The following ZNF782 variants were observed in gnomAD, a reference collection of about 807,000 sequenced individuals.
ZNF782 encodes the protein zinc finger protein 782.
A neutral mutation model predicts 13.0 loss-of-function variants in ZNF782; 12 were observed. The ratio of observed to expected loss-of-function variants is 0.92; its 90% CI spans 0.59 to 1.50. The LOEUF (loss-of-function observed/expected upper bound fraction) is 1.50. ZNF782 is among the 40% of genes most tolerant of loss of function. The pLI, the probability that ZNF782 is intolerant of heterozygous loss-of-function variation, is 0.00. For synonymous variants in ZNF782, 284 were observed against 283.0 expected, an observed-to-expected ratio of 1.00 and a Z score of -0.04; for missense variants, 770 against 822.9, an observed-to-expected ratio of 0.94 and a Z score of 0.79.
chr9:96,819,846 G>A, intron 5 of ZNF782, 68 bp from the exon 6 acceptor site: 75 of 1,180,776 alleles, frequency 6.4e-5, no homozygotes, highest in Middle Eastern at 2.5e-4. Flanking sequence ...GGACATATAT[G>A]TATATATATG....
chr9:96,919,012 T>TC, the ZNF782 span: 1 of 228,606 alleles, frequency 4.4e-6, no homozygotes, highest in Non-Finnish European at 1.0e-5. Flanking sequence ...AGAGTCAGAA[T>TC]CCCCCAATGA....
the ZNF782 span, chr9:96,892,548 G>A: frequency 8.5e-5 from 13 of 152,156 alleles, no homozygotes; most frequent in Admixed American, 7.9e-4. Context: ...GCGTCAGTGC[G>A]GATCTTAGGA....
At chr9:96,912,394 C>T in the ZNF782 span, among the ~76,000 whole-genome samples, 1 of 148,676 alleles carries the variant, frequency 6.7e-6, no homozygotes, top group East Asian at 2.0e-4. Context: ...GGCGTAGTGG[C>T]GGGCGCCTGT....
intron 4 of ZNF782, among the ~76,000 whole-genome samples, chr9:96,834,838 T>G (rs1181892909): frequency 6.6e-6 from 1 of 152,144 alleles, no homozygotes; most frequent in East Asian, 1.9e-4. Flanking sequence ...GGGTAATGGG[T>G]AGTGGCTGGA....
intron 5 of ZNF782, among the ~76,000 whole-genome samples, chr9:96,822,980 A>G (rs1212779061): frequency 6.6e-6 from 1 of 152,196 alleles, no homozygotes; most frequent in East Asian, 1.9e-4. Context: ...ATATTTTGTC[A>G]GGGTCCCATG....
chr9:96,896,434 G>C, the ZNF782 span, among the ~76,000 whole-genome samples: 2 of 152,116 alleles, frequency 1.3e-5, no homozygotes, highest in Admixed American at 1.3e-4. Flanking sequence ...AACTATTCTA[G>C]ACTTACTACT....
chr9:96,855,879 TAGA>T (rs1323612011), upstream of ZNF782, among the ~76,000 whole-genome samples: 1 of 152,230 alleles, frequency 6.6e-6, no homozygotes, highest in Non-Finnish European at 1.5e-5. Context: ...ACCGGCAGTG[TAGA>T]AGTTTTCCCT....
the ZNF782 span, among the ~76,000 whole-genome samples, chr9:96,881,503 T>C: frequency 8.5e-5 from 13 of 152,130 alleles, no homozygotes; most frequent in African/African-American, 1.2e-4. Context: ...CTGCTGGTAA[T>C]TGATTTACTT....
chr9:96,818,307 A>C lies in ZNF782; in HGVS notation c.1716T>G (p.Ser572Arg). Residue 572 changes from serine to arginine, a missense_variant, in exon 6 of 6, where the codon AGT becomes AGG. Transcript: ENST00000481138. ...GATGTACTCTGAGGTTTGATTTCTG[A>C]CTGAAAGCTTCCCCACAATGATTAC... Reference protein sequence around the residue: ...YKCNHCGEAFSQKSNLRVHHR... With the variant: ...YKCNHCGEAFRQKSNLRVHHR... 3.1e-6 allele frequency: 5 copies of C among 1,613,980 alleles called. No homozygotes were observed. The highest frequency in any genetic ancestry group is 3.4e-6 in the Non-Finnish European group (4 of 1,180,000).
the ZNF782 span, among the ~76,000 whole-genome samples, chr9:96,905,836 G>A: frequency 1.3e-5 from 2 of 152,132 alleles, no homozygotes; most frequent in African/African-American, 4.8e-5. Context: ...CACCCGCCTC[G>A]GCCTCCCAAA....
intron 1 of ZNF782, among the ~76,000 whole-genome samples, chr9:96,874,572 G>C (rs1226731149): frequency 6.6e-6 from 1 of 152,154 alleles, no homozygotes; most frequent in Non-Finnish European, 1.5e-5. Flanking sequence ...ACAGACTCTA[G>C]TGGTTTCTGG....
chr9:96,932,652 A>ATT, the ZNF782 span, among the ~76,000 whole-genome samples: 13 of 130,142 alleles, frequency 1.0e-4, no homozygotes, highest in Admixed American at 1.5e-4. Flanking sequence ...CCAATCCTTA[A>ATT]TTTTTTTTTT....
At chr9:96,885,207 G>C in the ZNF782 span, among the ~76,000 whole-genome samples, 10 of 151,630 alleles carry the variant, frequency 6.6e-5, no homozygotes, top group Admixed American at 6.6e-4. Context: ...ATCTAACAAG[G>C]GTTTTCGGGC....
the ZNF782 span, among the ~76,000 whole-genome samples, chr9:96,911,314 C>T: frequency 2.0e-3 from 282 of 143,216 alleles, 1 homozygote; most frequent in African/African-American, 6.9e-3. Context: ...TGGCGGGCGC[C>T]TGTAGTCCCA....
chr9:96,867,076 A>G (rs111850781), intron 1 of ZNF782, among the ~76,000 whole-genome samples: 3,987 of 152,294 alleles, frequency 0.026, 165 homozygotes, highest in African/African-American at 0.09. Flanking sequence ...AAATGAGTTA[A>G]GACTTTAGGG....
chr9:96,920,976 A>C, the ZNF782 span, among the ~76,000 whole-genome samples: 2 of 144,446 alleles, frequency 1.4e-5, no homozygotes, highest in East Asian at 4.5e-4. Flanking sequence ...ATACGACCTC[A>C]TCATTTCTGC....
intron 4 of ZNF782, among the ~76,000 whole-genome samples, chr9:96,834,456 G>C (rs766174292): frequency 1.3e-5 from 2 of 152,136 alleles, no homozygotes; most frequent in Non-Finnish European, 2.9e-5. Flanking sequence ...CATAAGAATG[G>C]ACTAATACAC....
the ZNF782 span, among the ~76,000 whole-genome samples, chr9:96,898,734 A>ATGGG: frequency 1.4e-5 from 2 of 145,348 alleles, no homozygotes; most frequent in Non-Finnish European, 3.0e-5. Context: ...TTTAGTAGAG[A>ATGGG]TGGGGTTTTA....
chr9:96,897,197 T>C, the ZNF782 span, among the ~76,000 whole-genome samples: 1 of 152,218 alleles, frequency 6.6e-6, no homozygotes, highest in Non-Finnish European at 1.5e-5. Flanking sequence ...GAGTTTCATG[T>C]GCCTGACGCT....
Sources: gnomAD v4.1 joint callset for allele counts (sites outside exome capture counted in the v4.1 genomes callset) on GRCh38, gnomAD v4.1.1 for gene constraint, MANE v1.5 for transcripts, NCBI Gene and HGNC (gene_info 2026-07-23, HGNC 2026-07-21) for gene names.